The following PATJ variants were observed in gnomAD, a reference collection of about 807,000 sequenced individuals.
The protein encoded by PATJ is inaD-like protein.
In PATJ, 190 loss-of-function variants were observed where a neutral mutation model predicts 224.9. The ratio of observed to expected loss-of-function variants is 0.84; its 90% CI spans 0.75 to 0.95. The LOEUF (loss-of-function observed/expected upper bound fraction) is 0.95. Ranked by LOEUF, PATJ falls within the 40% of genes least tolerant of loss-of-function variation. PATJ has a pLI of 0.00. For synonymous variants in PATJ, 769 were observed against 820.3 expected, an observed-to-expected ratio of 0.94 and a Z score of 1.07; for missense variants, 2,121 against 2,270.3, an observed-to-expected ratio of 0.93 and a Z score of 1.34.
At chr1:61,920,702 CTTTTT>C (rs71582652) in intron 26 of PATJ, among the ~76,000 whole-genome samples, 2 of 89,504 alleles carry the variant, frequency 2.2e-5, no homozygotes, top group African/African-American at 4.3e-5. Context: ...GTATGGAATT[CTTTTT>C]TTTTTTTTTT....
intron 17 of PATJ, among the ~76,000 whole-genome samples, chr1:61,844,233 G>T (rs900566919): frequency 6.6e-6 from 1 of 152,248 alleles, no homozygotes; most frequent in Non-Finnish European, 1.5e-5. Flanking sequence ...TGTGTGGACA[G>T]TAAGGGATTG....
chr1:61,892,695 G>A (rs974501166), intron 22 of PATJ, among the ~76,000 whole-genome samples: 2 of 152,138 alleles, frequency 1.3e-5, no homozygotes, highest in Admixed American at 6.6e-5. Flanking sequence ...TTGGTTCACA[G>A]CAAAATTGAG....
chr1:62,016,250 A>T (rs184949235), intron 28 of PATJ, among the ~76,000 whole-genome samples: 1 of 152,220 alleles, frequency 6.6e-6, no homozygotes. Context: ...TGAAAATACT[A>T]TATTTTCATT....
intron 25 of PATJ, among the ~76,000 whole-genome samples, chr1:61,909,752 C>G (rs989929092): frequency 6.6e-6 from 1 of 152,088 alleles, no homozygotes; most frequent in African/African-American, 2.4e-5. Flanking sequence ...GTAGTGCATT[C>G]CAATTTTTGT....
chr1:61,828,646 C>T (rs1318937117), intron 16 of PATJ, among the ~76,000 whole-genome samples: 1 of 152,112 alleles, frequency 6.6e-6, no homozygotes. Context: ...CCCACCTCAA[C>T]CCCCCAAAAT....
intron 15 of PATJ, 90 bp downstream of exon 15, chr1:61,823,169 T>C: frequency 7.8e-7 from 1 of 1,289,192 alleles, no homozygotes; most frequent in East Asian, 2.3e-5. Flanking sequence ...AGTTATAGTG[T>C]CACCAATGCC....
At chr1:61,808,856 A>G (rs1440008813) in intron 14 of PATJ, among the ~76,000 whole-genome samples, 4 of 152,220 alleles carry the variant, frequency 2.6e-5, no homozygotes, top group African/African-American at 7.2e-5. Flanking sequence ...TCCCTATGTC[A>G]TGTTCAGAAG....
At chr1:61,898,753 T>G (rs1028166201) in intron 22 of PATJ, among the ~76,000 whole-genome samples, 1 of 152,232 alleles carries the variant, frequency 6.6e-6, no homozygotes, top group African/African-American at 2.4e-5. Context: ...AACCAAATAC[T>G]CCGTAACTCA....
chr1:61,850,966 G>T (rs1662723411), intron 17 of PATJ, among the ~76,000 whole-genome samples: 1 of 152,110 alleles, frequency 6.6e-6, no homozygotes, highest in Non-Finnish European at 1.5e-5. Flanking sequence ...GCCGTCCAGT[G>T]GGAAGACGCA....
At chr1:61,936,578 T>C (rs1676916690) in intron 27 of PATJ, among the ~76,000 whole-genome samples, 1 of 152,140 alleles carries the variant, frequency 6.6e-6, no homozygotes, top group African/African-American at 2.4e-5. Flanking sequence ...ATTGTACTTC[T>C]ATTTTTTTTG....
intron 29 of PATJ, among the ~76,000 whole-genome samples, chr1:62,033,907 AGAG>A (rs1334237514): frequency 6.6e-6 from 1 of 152,208 alleles, no homozygotes; most frequent in Non-Finnish European, 1.5e-5. Context: ...CCTTGTGCTC[AGAG>A]TGGGAGAAAA....
In PATJ at chr1:61,990,328, A is replaced by G. The variant is rs1044369392; in HGVS notation, c.3831A>G (p.Ala1277=). ...TTAACCCGGAAGGACCTGCTGCCGCAGATGGACGAATGCGTATTGGAGATG... is the reference window on the plus strand; with the variant it reads ...TTAACCCGGAAGGACCTGCTGCCGCGGATGGACGAATGCGTATTGGAGATG... ...VGINPEGPAA[A]DGRMRIGDEL... Residue 1277 remains alanine (A), a synonymous_variant, in exon 28 of 44, where the codon GCA becomes GCG. Transcript: ENST00000642238. 6.2e-7 allele frequency: 1 copy of G among 1,613,296 alleles called. No individual in the cohort carries two copies. Among genetic ancestry groups the G allele is most frequent in the Admixed American group, 1.7e-5 (1 of 59,846 alleles).
chr1:61,790,968 C>T (rs553294962), intron 8 of PATJ, among the ~76,000 whole-genome samples: 9 of 152,284 alleles, frequency 5.9e-5, no homozygotes, highest in African/African-American at 1.7e-4. Flanking sequence ...TTTTATTTGT[C>T]GGCTGCCAGC....
intron 17 of PATJ, among the ~76,000 whole-genome samples, chr1:61,849,974 C>T (rs1401624519): frequency 6.6e-6 from 1 of 152,164 alleles, no homozygotes; most frequent in African/African-American, 2.4e-5. Context: ...CTAAATGCCT[C>T]TTATTGATGC....
chr1:61,963,203 C>G (rs1334201900), intron 27 of PATJ, among the ~76,000 whole-genome samples: 2 of 152,194 alleles, frequency 1.3e-5, no homozygotes, highest in African/African-American at 4.8e-5. Context: ...ATAGCCTACT[C>G]TTGGCTTTAC....
intron 27 of PATJ, among the ~76,000 whole-genome samples, chr1:61,984,699 C>T (rs1644647035): frequency 1.3e-5 from 2 of 151,916 alleles, no homozygotes; most frequent in Admixed American, 1.3e-4. Flanking sequence ...TGTAGCTGAC[C>T]AGTGGGTTGA....
chr1:61,884,475 CT>C, intron 22 of PATJ, 67 bp downstream of exon 22: 1 of 789,690 alleles, frequency 1.3e-6, no homozygotes, highest in Non-Finnish European at 1.7e-6. Flanking sequence ...TTTTTTTTTG[CT>C]TAAAAAATGC....
intron 31 of PATJ, among the ~76,000 whole-genome samples, chr1:62,074,754 A>G (rs901543457): frequency 1.1e-4 from 16 of 152,180 alleles, no homozygotes; most frequent in Non-Finnish European, 1.5e-4. Flanking sequence ...ACCTGAGGTC[A>G]GGAGTTCGAG....
chr1:62,132,034 G>A (rs1666320398), intron 41 of PATJ, among the ~76,000 whole-genome samples: 1 of 152,012 alleles, frequency 6.6e-6, no homozygotes. Context: ...TTTCAGTAGA[G>A]ATGGGATTTC....
Sources: allele counts gnomAD v4.1 joint callset (sites outside exome capture counted in the v4.1 genomes callset), GRCh38; gene constraint gnomAD v4.1.1; transcripts MANE v1.5; gene names NCBI Gene and HGNC (gene_info 2026-07-23, HGNC 2026-07-21).